GPC5: variants seen among roughly 807,000 people sequenced by gnomAD.
GPC5 encodes the protein glypican-5.
In GPC5, 47 loss-of-function variants were observed where a neutral mutation model predicts 53.9. The observed-to-expected ratio is 0.87, with a 90% CI of 0.69 to 1.11. The LOEUF (loss-of-function observed/expected upper bound fraction) is 1.11, where lower values mean the gene tolerates loss of function less well. Ranked by LOEUF, GPC5 falls within the 50% of genes most tolerant of loss-of-function variation. The pLI, the probability that GPC5 is intolerant of heterozygous loss-of-function variation, is 0.00. For missense variants in GPC5, 748 were observed against 713.1 expected (o/e 1.05, Z -0.56); for synonymous variants, 286 against 263.3 (o/e 1.09, Z -0.84).
At chr13:91,802,250 G>A (rs1195979365) in intron 5 of GPC5, among the ~76,000 whole-genome samples, 1 of 151,918 alleles carries the variant, frequency 6.6e-6, no homozygotes, top group African/African-American at 2.4e-5. Context: ...TCTTCCCTCT[G>A]GTGGGTTCGT....
intron 6 of GPC5, among the ~76,000 whole-genome samples, chr13:92,049,066 T>G (rs938718015): frequency 5.3e-5 from 8 of 152,114 alleles, no homozygotes; most frequent in African/African-American, 1.9e-4. Flanking sequence ...GGACAGAAAT[T>G]TTGGTATAGT....
chr13:92,710,504 GTT>G (rs1209820389), intron 7 of GPC5, among the ~76,000 whole-genome samples: 6 of 152,198 alleles, frequency 3.9e-5, no homozygotes, highest in African/African-American at 1.4e-4. Flanking sequence ...AATAGAACAA[GTT>G]ACAGCAAAGA....
At chr13:92,054,375 G>T (rs1278584281) in intron 6 of GPC5, among the ~76,000 whole-genome samples, 1 of 152,114 alleles carries the variant, frequency 6.6e-6, no homozygotes, top group African/African-American at 2.4e-5. Context: ...ACTTGAAATA[G>T]TGTGCATTCT....
At chr13:91,565,545 T>C (rs1030968269) in intron 2 of GPC5, among the ~76,000 whole-genome samples, 5 of 152,316 alleles carry the variant, frequency 3.3e-5, no homozygotes, top group African/African-American at 1.2e-4. Flanking sequence ...CAGGGAATCC[T>C]AGGCAAGATC....
At chr13:91,839,055 A>G (rs564402261) in intron 5 of GPC5, among the ~76,000 whole-genome samples, 107 of 152,280 alleles carry the variant, frequency 7.0e-4, no homozygotes, top group African/African-American at 2.4e-3. Context: ...CTTCCTCAAC[A>G]GCATGTAGTA....
chr13:92,532,450 T>C (rs576989453), intron 7 of GPC5, among the ~76,000 whole-genome samples: 1 of 152,314 alleles, frequency 6.6e-6, no homozygotes, highest in African/African-American at 2.4e-5. Flanking sequence ...ATGATGTAAG[T>C]GGCTTATAAT....
chr13:91,910,518 A>C (rs2039599851), intron 6 of GPC5, among the ~76,000 whole-genome samples: 1 of 152,156 alleles, frequency 6.6e-6, no homozygotes, highest in African/African-American at 2.4e-5. Flanking sequence ...GCTATGAAAA[A>C]TGCCATCTCT....
At chr13:91,973,938 C>T (rs912376102) in intron 6 of GPC5, among the ~76,000 whole-genome samples, 4 of 152,212 alleles carry the variant, frequency 2.6e-5, no homozygotes. Flanking sequence ...TTCAGGGACC[C>T]ACTTGAGGAG....
chr13:92,241,902 GC>G (rs1402808736), intron 7 of GPC5: 3 of 152,068 alleles, frequency 2.0e-5, no homozygotes, highest in Non-Finnish European at 1.5e-5. Flanking sequence ...AACTGCAGAA[GC>G]TATTGTAGCC....
chr13:91,437,572 G>T (rs180707820), intron 1 of GPC5, among the ~76,000 whole-genome samples: 1 of 152,206 alleles, frequency 6.6e-6, no homozygotes, highest in Non-Finnish European at 1.5e-5. Flanking sequence ...AGTCTGATGG[G>T]CTTCCCTTTG....
At chr13:91,805,745 C>A (rs572049514) in intron 5 of GPC5, among the ~76,000 whole-genome samples, 23 of 152,222 alleles carry the variant, frequency 1.5e-4, no homozygotes, top group Admixed American at 4.6e-4. Context: ...AAAGATAATT[C>A]TCTGAAGACA....
In GPC5 at chr13:91,801,539, A is replaced by G. The variant is rs1280350776; in HGVS notation, c.1280+45119A>G. Among the ~76,000 whole-genome samples the G allele has an allele frequency of 2.6e-5, 4 of 152,182 alleles. No individual in the cohort carries two copies. In the East Asian group the frequency reaches 5.8e-4, roughly 22 times the overall value. On this transcript the variant is annotated intron_variant, in intron 5 of 7. Coordinates refer to ENST00000377067, the MANE Select transcript of GPC5 (RefSeq NM_004466.6). ...CATCTTTGAAGTTACGGATTGGACC[A>G]TATAGCTGATGACAAAATCAAATTG...
At chr13:91,535,045 A>C (rs1886525170) in intron 2 of GPC5, among the ~76,000 whole-genome samples, 1 of 152,096 alleles carries the variant, frequency 6.6e-6, no homozygotes, top group Non-Finnish European at 1.5e-5. Context: ...AGATCTCTCA[A>C]ATCACTTCTT....
chr13:91,585,299 A>C (rs1236403273), intron 2 of GPC5, among the ~76,000 whole-genome samples: 1 of 152,192 alleles, frequency 6.6e-6, no homozygotes, highest in Non-Finnish European at 1.5e-5. Context: ...GTATATACCC[A>C]AAAGAAATGC....
At chr13:92,485,125 G>A (rs994364336) in intron 7 of GPC5, among the ~76,000 whole-genome samples, 9 of 152,182 alleles carry the variant, frequency 5.9e-5, no homozygotes, top group African/African-American at 2.2e-4. Flanking sequence ...TGAAATGGAA[G>A]TGAGTTCTGG....
chr13:92,515,693 A>G (rs1880747908), intron 7 of GPC5, among the ~76,000 whole-genome samples: 1 of 152,190 alleles, frequency 6.6e-6, no homozygotes, highest in African/African-American at 2.4e-5. Flanking sequence ...ACAGTGTAAT[A>G]CTTTATTAAC....
chr13:92,646,164 C>T (rs956474244), intron 7 of GPC5, among the ~76,000 whole-genome samples: 1 of 152,114 alleles, frequency 6.6e-6, no homozygotes, highest in Non-Finnish European at 1.5e-5. Context: ...GTACATGTTA[C>T]ATTCAGGCCT....
intron 7 of GPC5, among the ~76,000 whole-genome samples, chr13:92,613,289 T>A (rs528693408): frequency 8.3e-6 from 1 of 120,360 alleles, no homozygotes; most frequent in Non-Finnish European, 1.6e-5. Flanking sequence ...ATATATATTT[T>A]ATATATAAAA....
At chr13:91,589,046 A>ACAT (rs2032701494) in intron 2 of GPC5, among the ~76,000 whole-genome samples, 1 of 152,152 alleles carries the variant, frequency 6.6e-6, no homozygotes, top group African/African-American at 2.4e-5. Context: ...TCTGACTTCT[A>ACAT]CATCCACTTT....
Sources: gnomAD v4.1 joint callset for allele counts (sites outside exome capture counted in the v4.1 genomes callset) on GRCh38, gnomAD v4.1.1 for gene constraint, MANE v1.5 for transcripts, NCBI Gene and HGNC (gene_info 2026-07-23, HGNC 2026-07-21) for gene names.